The following KIF5B variants were observed in gnomAD, a reference collection of about 807,000 sequenced individuals.
The protein encoded by KIF5B is kinesin-1 heavy chain.
Under a neutral mutation model 132.8 loss-of-function variants are expected in KIF5B, and 49 were observed. The observed-to-expected ratio is 0.37, with a 90% CI of 0.29 to 0.47. The LOEUF (loss-of-function observed/expected upper bound fraction) is 0.47, where lower values mean the gene tolerates loss of function less well. Ranked by LOEUF, KIF5B falls within the 20% of genes least tolerant of loss-of-function variation. The probability of loss-of-function intolerance (pLI) is 1.00; values close to 1 mark genes in which losing one functional copy is unlikely to be tolerated. For missense variants in KIF5B, 780 were observed against 1,144.0 expected, an observed-to-expected ratio of 0.68 and a Z score of 4.59; for synonymous variants, 355 against 369.4, an observed-to-expected ratio of 0.96 and a Z score of 0.45.
At chr10:32,023,960 A>G (rs1315920617) in intron 15 of KIF5B, among the ~76,000 whole-genome samples, 2 of 151,714 alleles carry the variant, frequency 1.3e-5, no homozygotes, top group Non-Finnish European at 2.9e-5. Context: ...TTTAAATACA[A>G]TACCAAAAAC....
intron 19 of KIF5B, 69 bp from the exon 20 acceptor site, chr10:32,020,028 T>C: frequency 9.4e-7 from 1 of 1,065,040 alleles, no homozygotes; most frequent in Non-Finnish European, 1.4e-6. Context: ...CATTAAAATT[T>C]CCAAACTTTT....
intron 2 of KIF5B, among the ~76,000 whole-genome samples, chr10:32,045,807 C>T (rs1478702480): frequency 6.6e-6 from 1 of 152,096 alleles, no homozygotes; most frequent in East Asian, 1.9e-4. Flanking sequence ...AGTTTTTCAT[C>T]ATTTTCTTGT....
intron 15 of KIF5B, among the ~76,000 whole-genome samples, chr10:32,024,069 A>C (rs1383919850): frequency 6.7e-6 from 1 of 149,020 alleles, no homozygotes; most frequent in Non-Finnish European, 1.5e-5. Flanking sequence ...AAAAACAAAA[A>C]AAAAAAAACA....
At chr10:32,023,613 A>C (rs144996047) in intron 15 of KIF5B, among the ~76,000 whole-genome samples, 1,941 of 152,342 alleles carry the variant, frequency 0.013, 27 homozygotes, top group Middle Eastern at 0.027. Context: ...AGGACTTGAC[A>C]CTATGCAACT....
At chr10:32,054,363 A>G (rs972150920) in intron 1 of KIF5B, among the ~76,000 whole-genome samples, 15 of 152,228 alleles carry the variant, frequency 9.9e-5, no homozygotes, top group African/African-American at 3.1e-4. Flanking sequence ...TTTCTAGTGG[A>G]CTTGTTAACA....
intron 11 of KIF5B, 96 bp from the exon 12 acceptor site, chr10:32,034,134 A>G (rs1303876386): frequency 2.9e-6 from 2 of 700,952 alleles, no homozygotes; most frequent in East Asian, 5.8e-5. Context: ...TTTTTGAGAC[A>G]GAGTCTCAAT....
rs776840748 is a variant in KIF5B, at chr10:32,018,547, T to C, written c.2322A>G (p.Arg774=). ...TCAAGTCTTGTCTTGCTTGTTCTCG[T>C]CTATCTTGCATAACCCTAACAGTAG... ...KLHELTVMQD[R]REQARQDLKG... Residue 774 remains arginine, a synonymous_variant, in exon 21 of 26, where the codon AGA becomes AGG. Coordinates refer to ENST00000302418, the MANE Select transcript of KIF5B (RefSeq NM_004521.3). 5.0e-5 allele frequency: 80 copies of C among 1,613,076 alleles called. No individual in the cohort carries two copies. Among genetic ancestry groups the C allele is most frequent in the Admixed American group, 5.0e-5 (3 of 59,886 alleles).
At chr10:32,021,562 G>A (rs1433193601) in intron 17 of KIF5B, among the ~76,000 whole-genome samples, 1 of 147,116 alleles carries the variant, frequency 6.8e-6, no homozygotes, top group African/African-American at 2.5e-5. Flanking sequence ...GTAAAGAAAT[G>A]AGATAACTCC....
At chr10:32,055,294 TATAG>T (rs954441890) in intron 1 of KIF5B, among the ~76,000 whole-genome samples, 3 of 152,066 alleles carry the variant, frequency 2.0e-5, no homozygotes, top group African/African-American at 7.2e-5. Context: ...AAGTTGGAGG[TATAG>T]ATAATATTTG....
rs139270702 is a variant in KIF5B at position 32,018,121 on chromosome 10, G to A, written c.2475C>T (p.Ser825=). ...AGGAGATTTTTTGCTTCTGAGCAGCGCTGCCTCCGGTGTCATCAGAATCAA... is the reference window on the plus strand; with the variant it reads ...AGGAGATTTTTTGCTTCTGAGCAGCACTGCCTCCGGTGTCATCAGAATCAA... ...AEIDSDDTGG[S]AAQKQKISFL... Residue 825 remains serine (S), a synonymous_variant, in exon 23 of 26, where the codon AGC becomes AGT. Coordinates refer to ENST00000302418, the MANE Select transcript of KIF5B (RefSeq NM_004521.3). The A allele has an allele frequency of 2.1e-4, 333 of 1,610,318 alleles. 4 individuals carry two copies. The African/African-American group carries it at 2.2e-3, about 11-fold the overall frequency.
intron 1 of KIF5B, among the ~76,000 whole-genome samples, chr10:32,055,559 G>C (rs1841744962): frequency 6.6e-6 from 1 of 151,898 alleles, no homozygotes; most frequent in African/African-American, 2.4e-5. Context: ...AACGTGCACT[G>C]AACTTGCTGC....
intron 1 of KIF5B, among the ~76,000 whole-genome samples, chr10:32,054,988 G>T (rs559101522): frequency 5.3e-5 from 8 of 152,212 alleles, no homozygotes; most frequent in African/African-American, 1.9e-4. Context: ...TCTAATACTG[G>T]TCAATTTTTA....
intron 1 of KIF5B, among the ~76,000 whole-genome samples, chr10:32,054,195 CAA>C (rs1043404221): frequency 1.3e-5 from 2 of 152,222 alleles, no homozygotes; most frequent in African/African-American, 2.4e-5. Context: ...CTGTAAACCA[CAA>C]AAACTCTTAA....
intron 1 of KIF5B, among the ~76,000 whole-genome samples, chr10:32,052,841 G>T (rs1053463049): frequency 3.3e-5 from 5 of 152,044 alleles, no homozygotes; most frequent in African/African-American, 1.2e-4. Flanking sequence ...TGTATTAAAG[G>T]CTGTACAGCA....
chr10:32,015,136 A>C (rs933548886), intron 25 of KIF5B, among the ~76,000 whole-genome samples: 1 of 149,390 alleles, frequency 6.7e-6, no homozygotes, highest in Admixed American at 6.7e-5. Context: ...AAGAAAAAGA[A>C]AAAAAAAAAA....
At chr10:32,052,364 C>G (rs1196029675) in intron 1 of KIF5B, among the ~76,000 whole-genome samples, 2 of 152,170 alleles carry the variant, frequency 1.3e-5, no homozygotes, top group Non-Finnish European at 2.9e-5. Flanking sequence ...CCAAATCATT[C>G]ACTTGAAAAG....
At chr10:32,032,592 C>T in intron 13 of KIF5B, 114 bp downstream of exon 13, 1 of 780,994 alleles carries the variant, frequency 1.3e-6, no homozygotes, top group Non-Finnish European at 2.3e-6. Flanking sequence ...ATTCTTATTC[C>T]CACAAAGACA....
At chr10:32,031,528 A>G (rs996294108) in intron 13 of KIF5B, among the ~76,000 whole-genome samples, 4 of 152,200 alleles carry the variant, frequency 2.6e-5, no homozygotes, top group African/African-American at 9.6e-5. Context: ...AGGCACATGA[A>G]TAAGTGCAGT....
intron 5 of KIF5B, among the ~76,000 whole-genome samples, chr10:32,038,436 C>T (rs1044926356): frequency 2.6e-5 from 4 of 152,118 alleles, no homozygotes; most frequent in African/African-American, 9.7e-5. Context: ...AACCTACCAC[C>T]CACATTTTAT....
Sources: allele counts gnomAD v4.1 joint callset (sites outside exome capture counted in the v4.1 genomes callset), GRCh38; gene constraint gnomAD v4.1.1; transcripts MANE v1.5; gene names NCBI Gene and HGNC (gene_info 2026-07-23, HGNC 2026-07-21).